The following EXOC6B variants were observed in gnomAD, a reference collection of about 807,000 sequenced individuals.
The protein encoded by EXOC6B is exocyst complex component 6B, also known as SEC15 homolog B.
EXOC6B carries 54 observed loss-of-function variants against 113.5 expected under a neutral mutation model. That is an observed-to-expected ratio of 0.48 (90% CI 0.38 to 0.60). The LOEUF (loss-of-function observed/expected upper bound fraction) is 0.60, where lower values mean the gene tolerates loss of function less well. EXOC6B is among the 20% of genes least tolerant of loss of function. The pLI, the probability that EXOC6B is intolerant of heterozygous loss-of-function variation, is 0.00. For missense variants in EXOC6B, 797 were observed against 977.5 expected (o/e 0.82, Z 2.46); for synonymous variants, 357 against 339.0 (o/e 1.05, Z -0.58).
intron 6 of EXOC6B, among the ~76,000 whole-genome samples, chr2:72,637,625 C>T (rs1672940986): frequency 6.6e-6 from 1 of 151,876 alleles, no homozygotes. Context: ...CCTGTATCTA[C>T]AAAAAATTAC....
chr2:72,659,520 T>C (rs1396488845), intron 6 of EXOC6B, among the ~76,000 whole-genome samples: 1 of 152,140 alleles, frequency 6.6e-6, no homozygotes, highest in African/African-American at 2.4e-5. Flanking sequence ...ATATAAGGAA[T>C]CTGTATCTTG....
intron 6 of EXOC6B, among the ~76,000 whole-genome samples, chr2:72,655,439 G>A (rs1674506791): frequency 6.6e-6 from 1 of 151,606 alleles, no homozygotes; most frequent in South Asian, 2.1e-4. Flanking sequence ...ATTCTGAAGA[G>A]AAAAAAACAT....
rs902203361 is a variant in EXOC6B, at chr2:72,653,970, A to C, written c.669+64133T>G. On this transcript the variant is annotated intron_variant, in intron 6 of 21. Transcript: ENST00000272427. ...TGGTACAATGTCATGAATTTTATTT[A>C]TTTTTTTTTTTTTTTTTGAGACGGA... Among the ~76,000 whole-genome samples, 3 of 136,470 alleles carry C rather than the reference A, an allele frequency of 2.2e-5. No homozygotes were observed. The Admixed American group carries it at 2.2e-4, about 10-fold the overall frequency. The allele number at this position is 136,470 out of a possible 152,430, so 89.5% of individuals were successfully genotyped here.
In EXOC6B at chr2:72,580,043, A is replaced by T. The variant is rs924327610; in HGVS notation, c.670-4375T>A. On this transcript the variant is annotated intron_variant, in intron 6 of 21. Coordinates refer to ENST00000272427, the MANE Select transcript of EXOC6B (RefSeq NM_015189.3). ...GGCTTAAATGAGAAAATACATGTGA[A>T]GTCTCTTGAATTAAAACAAACAAAC... 2.6e-5 allele frequency among the ~76,000 whole-genome samples: 4 copies of T among 152,070 alleles called. No homozygotes were observed. The East Asian group carries it at 7.7e-4, about 29-fold the overall frequency.
At chr2:72,765,710 C>A (rs150737468) in intron 1 of EXOC6B, among the ~76,000 whole-genome samples, 1 of 151,944 alleles carries the variant, frequency 6.6e-6, no homozygotes, top group South Asian at 2.1e-4. Flanking sequence ...AGAACTGCTC[C>A]GGCAACCAGA....
At chr2:72,403,866 G>A (rs565782047) in intron 18 of EXOC6B, among the ~76,000 whole-genome samples, 10 of 152,272 alleles carry the variant, frequency 6.6e-5, no homozygotes, top group South Asian at 4.1e-4. Flanking sequence ...GAGGGTGCAG[G>A]ACAGTGGGTG....
intron 6 of EXOC6B, among the ~76,000 whole-genome samples, chr2:72,605,261 G>T (rs961937810): frequency 2.0e-5 from 3 of 150,500 alleles, no homozygotes; most frequent in Non-Finnish European, 4.4e-5. Flanking sequence ...TCCAGCCTAG[G>T]CGACAGAGCA....
intron 6 of EXOC6B, among the ~76,000 whole-genome samples, chr2:72,672,167 T>C (rs1351373866): frequency 7.4e-6 from 1 of 135,074 alleles, no homozygotes. Context: ...AGAACTACCA[T>C]ATGAGCCAGC....
At chr2:72,447,308 CAT>C (rs1346216456) in intron 18 of EXOC6B, among the ~76,000 whole-genome samples, 3 of 152,142 alleles carry the variant, frequency 2.0e-5, no homozygotes, top group Non-Finnish European at 4.4e-5. Context: ...TAAAACTTAA[CAT>C]AGTGCCTCAC....
At chr2:72,356,916 T>C (rs1326655667) in intron 19 of EXOC6B, among the ~76,000 whole-genome samples, 1 of 152,130 alleles carries the variant, frequency 6.6e-6, no homozygotes, top group Non-Finnish European at 1.5e-5. Flanking sequence ...AGAGCAGAAC[T>C]GAGAAGTGAG....
At chr2:72,481,512 G>A (rs1439597043) in intron 16 of EXOC6B, among the ~76,000 whole-genome samples, 1 of 152,162 alleles carries the variant, frequency 6.6e-6, no homozygotes, top group Non-Finnish European at 1.5e-5. Flanking sequence ...ATGGCAACAA[G>A]ACGTTTCAAA....
chr2:72,299,798 C>G (rs1686387863), intron 20 of EXOC6B, among the ~76,000 whole-genome samples: 2 of 152,188 alleles, frequency 1.3e-5, no homozygotes, highest in South Asian at 4.1e-4. Flanking sequence ...TCAGGCCTCT[C>G]TGCTGCAGGT....
intron 6 of EXOC6B, among the ~76,000 whole-genome samples, chr2:72,637,850 G>A (rs1028277545): frequency 6.0e-5 from 9 of 151,226 alleles, no homozygotes; most frequent in Non-Finnish European, 1.3e-4. Context: ...AAACCTCTGG[G>A]ATACAGCGAA....
chr2:72,339,452 C>T lies in EXOC6B; in HGVS notation c.2123-4432G>A, dbSNP rs537490344. Among the ~76,000 whole-genome samples the T allele has an allele frequency of 8.5e-5, 13 of 152,240 alleles. No individual in the cohort carries two copies. In the South Asian group the frequency reaches 2.7e-3, roughly 32 times the overall value. On this transcript the variant is annotated intron_variant, in intron 19 of 21. Coordinates refer to ENST00000272427, the MANE Select transcript of EXOC6B (RefSeq NM_015189.3). ...AGCAAGGTACTTGCTCCACTCAATG[C>T]AGAACCAAACCCCACCTTTGACCAA...
intron 6 of EXOC6B, among the ~76,000 whole-genome samples, chr2:72,625,386 T>C (rs1307798463): frequency 6.6e-6 from 1 of 152,178 alleles, no homozygotes; most frequent in Admixed American, 6.5e-5. Flanking sequence ...TATAATTACA[T>C]AGTTAAACAC....
chr2:72,193,243 T>C (rs59842888), intron 20 of EXOC6B, among the ~76,000 whole-genome samples: 222 of 152,260 alleles, frequency 1.5e-3, no homozygotes, highest in African/African-American at 5.0e-3. Flanking sequence ...CATAATAGCT[T>C]CTATCAGCAG....
chr2:72,364,994 A>G (rs528637363), intron 19 of EXOC6B, among the ~76,000 whole-genome samples: 14 of 152,284 alleles, frequency 9.2e-5, no homozygotes, highest in African/African-American at 2.9e-4. Context: ...GCCAATCATT[A>G]TGTTTTCAAT....
At chr2:72,300,349 C>T (rs545280742) in intron 20 of EXOC6B, among the ~76,000 whole-genome samples, 2 of 152,298 alleles carry the variant, frequency 1.3e-5, no homozygotes, top group African/African-American at 2.4e-5. Context: ...ACTCAATCCT[C>T]AACAATGGCG....
At chr2:72,403,244 G>A (rs1024781970) in intron 18 of EXOC6B, among the ~76,000 whole-genome samples, 13 of 152,156 alleles carry the variant, frequency 8.5e-5, no homozygotes, top group Non-Finnish European at 1.6e-4. Flanking sequence ...CCACACACCT[G>A]TAACTTTTTA....
Sources: gnomAD v4.1 joint callset for allele counts (sites outside exome capture counted in the v4.1 genomes callset) on GRCh38, gnomAD v4.1.1 for gene constraint, MANE v1.5 for transcripts, NCBI Gene and HGNC (gene_info 2026-07-23, HGNC 2026-07-21) for gene names.